The following NFIL3 variants were observed in gnomAD, a reference collection of about 807,000 sequenced individuals.
The protein encoded by NFIL3 is nuclear factor interleukin-3-regulated protein.
Under a neutral mutation model 10.0 loss-of-function variants are expected in NFIL3, and 5 were observed. The ratio of observed to expected loss-of-function variants is 0.50; its 90% CI spans 0.26 to 1.06. The LOEUF is 1.06. Ranked by LOEUF, NFIL3 falls within the 50% of genes least tolerant of loss-of-function variation. The pLI is 0.13. For missense variants in NFIL3, 436 were observed against 547.6 expected (o/e 0.80, Z 2.03); for synonymous variants, 202 against 206.5 (o/e 0.98, Z 0.19).
chr9:91,470,375 A>T, the NFIL3 span, among the ~76,000 whole-genome samples: 1 of 139,914 alleles, frequency 7.1e-6, no homozygotes, highest in African/African-American at 2.8e-5. Flanking sequence ...ATAGGTGGTG[A>T]TATCCCCTTT....
the NFIL3 span, among the ~76,000 whole-genome samples, chr9:91,479,793 A>G: frequency 6.6e-6 from 1 of 152,220 alleles, no homozygotes; most frequent in Non-Finnish European, 1.5e-5. Context: ...TAGGCACCCA[A>G]GGGAATCTCC....
the NFIL3 span, among the ~76,000 whole-genome samples, chr9:91,442,815 C>T: frequency 6.6e-6 from 1 of 152,090 alleles, no homozygotes; most frequent in Non-Finnish European, 1.5e-5. Flanking sequence ...GCTCTGGGAG[C>T]CCCTAGGTCT....
At chr9:91,447,046 C>T in the NFIL3 span, among the ~76,000 whole-genome samples, 1 of 152,132 alleles carries the variant, frequency 6.6e-6, no homozygotes, top group African/African-American at 2.4e-5. Context: ...AAACTCCCGA[C>T]CTCAGGTTAT....
At chr9:91,467,867 C>T in the NFIL3 span, among the ~76,000 whole-genome samples, 1 of 152,168 alleles carries the variant, frequency 6.6e-6, no homozygotes, top group Non-Finnish European at 1.5e-5. Flanking sequence ...GACATGAACT[C>T]ATCCTTTTTT....
In NFIL3 at chr9:91,409,468, A is replaced by T; in HGVS notation, c.1267T>A (p.Tyr423Asn). ...TGVVEMKDSGYKVSDPENLYL... is the reference protein window; with the variant it reads ...TGVVEMKDSGNKVSDPENLYL... ...AAGTTCTCTGGGTCAGAAACTTTGT[A>T]GCCACTGTCTTTCATTTCAACAACT... Residue 423 changes from tyrosine (Y) to asparagine (N), a missense_variant, in exon 2 of 2, where the codon TAC (tyrosine) becomes AAC (asparagine). This residue lies in a region of NFIL3 where 338 missense variants were observed against 399.9 expected (regional missense o/e 0.85). Coordinates refer to ENST00000297689, the MANE Select transcript of NFIL3 (RefSeq NM_005384.3). 6.2e-7 allele frequency: 1 copy of T among 1,614,202 alleles called. No homozygotes were observed.
At chr9:91,453,907 A>C in the NFIL3 span, among the ~76,000 whole-genome samples, 2 of 152,068 alleles carry the variant, frequency 1.3e-5, no homozygotes, top group South Asian at 4.1e-4. Flanking sequence ...AGAAATTTCA[A>C]GAGATTAAGG....
At chr9:91,436,273 T>C in the NFIL3 span, among the ~76,000 whole-genome samples, 6,502 of 152,224 alleles carry the variant, frequency 0.043, 182 homozygotes, top group Middle Eastern at 0.14. Context: ...CATTACCATT[T>C]TCTGATTAAG....
At chr9:91,428,242 T>C (rs1227968465), upstream of NFIL3, among the ~76,000 whole-genome samples, 23 of 152,238 alleles carry the variant, frequency 1.5e-4, no homozygotes, top group Admixed American at 1.5e-3. Flanking sequence ...AATTTAGTTA[T>C]CTTGATTTAC....
the NFIL3 span, among the ~76,000 whole-genome samples, chr9:91,440,751 T>A: frequency 1.3e-5 from 2 of 149,304 alleles, no homozygotes; most frequent in Non-Finnish European, 3.0e-5. Context: ...TTTTAATTTC[T>A]CCTTTTACTC....
chr9:91,456,346 C>T, the NFIL3 span, among the ~76,000 whole-genome samples: 1 of 152,132 alleles, frequency 6.6e-6, no homozygotes, highest in African/African-American at 2.4e-5. Context: ...CTATTCCTAT[C>T]AGAAGAATAG....
At chr9:91,457,049 TG>T in the NFIL3 span, among the ~76,000 whole-genome samples, 1 of 152,104 alleles carries the variant, frequency 6.6e-6, no homozygotes, top group East Asian at 1.9e-4. Context: ...GTTCTATTTC[TG>T]GACTCTTTAT....
At chr9:91,480,991 A>T in the NFIL3 span, among the ~76,000 whole-genome samples, 1 of 152,198 alleles carries the variant, frequency 6.6e-6, no homozygotes, top group Non-Finnish European at 1.5e-5. Flanking sequence ...TTCTATGTCA[A>T]CTTCATGTTA....
chr9:91,421,389 G>C (rs1244934293), intron 1 of NFIL3, among the ~76,000 whole-genome samples: 2 of 151,944 alleles, frequency 1.3e-5, no homozygotes, highest in Non-Finnish European at 2.9e-5. Context: ...CCTCCGGGTG[G>C]GCGGCGCAGC....
the NFIL3 span, among the ~76,000 whole-genome samples, chr9:91,442,196 G>A: frequency 6.6e-6 from 1 of 152,066 alleles, no homozygotes; most frequent in Non-Finnish European, 1.5e-5. Flanking sequence ...ATTTCTTAAG[G>A]ACAGCTTTGC....
chr9:91,420,536 ACCCAGGGTTCTTGTGAG>A (rs928910849), intron 1 of NFIL3, among the ~76,000 whole-genome samples: 4 of 152,076 alleles, frequency 2.6e-5, no homozygotes, highest in African/African-American at 7.2e-5. Flanking sequence ...GGGGCCTGGG[ACCCAGGGTTCTTGTGAG>A]CCCAGGGCCT....
the NFIL3 span, among the ~76,000 whole-genome samples, chr9:91,467,616 C>A: frequency 1.3e-5 from 2 of 151,980 alleles, no homozygotes; most frequent in African/African-American, 4.8e-5. Context: ...ATACATGTGC[C>A]ATGTTGGTGT....
the NFIL3 span, among the ~76,000 whole-genome samples, chr9:91,476,571 TAA>T: frequency 1.5e-5 from 2 of 134,206 alleles, no homozygotes; most frequent in Non-Finnish European, 1.6e-5. Context: ...AGAATCCGTC[TAA>T]AAAAAAAAAA....
At chr9:91,438,944 T>G in the NFIL3 span, among the ~76,000 whole-genome samples, 1 of 152,198 alleles carries the variant, frequency 6.6e-6, no homozygotes, top group Non-Finnish European at 1.5e-5. Flanking sequence ...CAATATAATT[T>G]AAGATCAGAA....
chr9:91,425,943 A>C (rs182662697), upstream of NFIL3, among the ~76,000 whole-genome samples: 48 of 152,280 alleles, frequency 3.2e-4, no homozygotes, highest in Admixed American at 3.1e-3. Flanking sequence ...GTCCTGCATA[A>C]TCTACCCTCC....
Sources: gnomAD v4.1 joint callset for allele counts (sites outside exome capture counted in the v4.1 genomes callset) on GRCh38, gnomAD v4.1.1 for gene constraint, gnomAD v4.1.1 regional missense constraint, MANE v1.5 for transcripts, NCBI Gene and HGNC (gene_info 2026-07-23, HGNC 2026-07-21) for gene names.